The following PITRM1 variants were observed in gnomAD, a reference collection of about 807,000 sequenced individuals.
PITRM1 encodes pitrilysin metallopeptidase 1.
A neutral mutation model predicts 129.9 loss-of-function variants in PITRM1; 100 were observed. That is an observed-to-expected ratio of 0.77 (90% confidence interval 0.65 to 0.91). The LOEUF is 0.91. PITRM1 is among the 40% of genes least tolerant of loss of function. PITRM1 has a pLI of 0.00. For missense variants in PITRM1, 1,471 were observed against 1,318.3 expected (o/e 1.12, Z -1.79); for synonymous variants, 591 against 508.8 (o/e 1.16, Z -2.17).
intron 20 of PITRM1, chr10:3,145,998 G>C (rs544333548): frequency 2.0e-5 from 8 of 399,236 alleles, no homozygotes; most frequent in African/African-American, 8.2e-5. Flanking sequence ...AGAAAATACA[G>C]AGACTATTAA....
At chr10:3,168,971 G>C (rs1843120272) in intron 2 of PITRM1, among the ~76,000 whole-genome samples, 1 of 149,118 alleles carries the variant, frequency 6.7e-6, no homozygotes, top group Admixed American at 6.7e-5. Context: ...CACACAATTA[G>C]CCAGGCGTGG....
chr10:3,166,815 T>C, intron 3 of PITRM1, 121 bp downstream of exon 3: 1 of 595,320 alleles, frequency 1.7e-6, no homozygotes, highest in Non-Finnish European at 3.0e-6. Context: ...TGTTAGTGTA[T>C]TTTATGCGTG....
intron 20 of PITRM1, chr10:3,146,395 G>A (rs984769664): frequency 6.6e-6 from 1 of 152,400 alleles, no homozygotes; most frequent in African/African-American, 2.4e-5. Context: ...ACCTGCAAAG[G>A]AAGGTTTTAT....
rs977323786 is a variant in PITRM1 at position 3,155,781 on chromosome 10, T to C, written c.1483-52A>G. The C allele has an allele frequency of 2.6e-5, 41 of 1,599,200 alleles. No individual in the cohort carries two copies. In the Admixed American group the frequency reaches 6.8e-4, roughly 27 times the overall value. On this transcript the variant is annotated intron_variant, in intron 13 of 26. Transcript: ENST00000224949. ...GCCAAGTGAAAACAAGATCTTACTA[T>C]ATCCTAACACTCAACAAGCTTCTGC...
chr10:3,145,792 C>A, intron 20 of PITRM1, 76 bp from the exon 21 acceptor site: 1 of 1,139,500 alleles, frequency 8.8e-7, no homozygotes, highest in Non-Finnish European at 1.3e-6. Flanking sequence ...TTTTGTATAA[C>A]TCAATAATGT....
chr10:3,159,785 C>T (rs1842288059), intron 9 of PITRM1, 63 bp downstream of exon 9: 2 of 976,690 alleles, frequency 2.0e-6, no homozygotes, highest in Admixed American at 2.0e-5. Flanking sequence ...ACTTCCGAAC[C>T]TTCTAATAGG....
At chr10:3,168,915 TACACACACAC>T (rs61366911) in intron 2 of PITRM1, among the ~76,000 whole-genome samples, 2,461 of 142,874 alleles carry the variant, frequency 0.017, 70 homozygotes, top group East Asian at 0.13. Context: ...AGTTTCCATC[TACACACACAC>T]ACACACACAC....
chr10:3,165,149 TA>T, intron 6 of PITRM1, 88 bp downstream of exon 6: 2 of 949,536 alleles, frequency 2.1e-6, no homozygotes, highest in Non-Finnish European at 1.6e-6. Context: ...ATGAGAATAT[TA>T]AATAAAATCT....
At chr10:3,142,602 G>C (rs1840363866) in intron 23 of PITRM1, among the ~76,000 whole-genome samples, 1 of 152,234 alleles carries the variant, frequency 6.6e-6, no homozygotes, top group African/African-American at 2.4e-5. Context: ...ACAGCCAAGG[G>C]GCAGCCAGAG....
intron 4 of PITRM1, among the ~76,000 whole-genome samples, chr10:3,166,009 G>C (rs1288679560): frequency 6.6e-6 from 1 of 152,222 alleles, no homozygotes; most frequent in African/African-American, 2.4e-5. Context: ...TCTGGGAAAA[G>C]TTCACATATG....
At position 3,147,970 on chromosome 10, in the gene PITRM1, C is replaced by G. The variant is rs1841078779; in HGVS notation, c.2069+17G>C. 1.3e-6 allele frequency: 2 copies of G among 1,587,518 alleles called. No homozygotes were observed. The highest frequency in any genetic ancestry group is 1.7e-6 in the Non-Finnish European group (2 of 1,155,792). The stretch of plus-strand genomic sequence containing the variant: ...TAGTACACCCCAAGAATGGACAACT[C>G]TTGCAAATAAAGTTACTTGTTAAAT... On this transcript the variant is annotated intron_variant, in intron 18 of 26. Transcript: ENST00000224949.
chr10:3,148,340 A>C, intron 16 of PITRM1, 49 bp from the exon 17 acceptor site: 1 of 1,534,862 alleles, frequency 6.5e-7, no homozygotes, highest in Non-Finnish European at 8.7e-7. Context: ...GTCTTTACTG[A>C]ATCATTTTTA....
intron 13 of PITRM1, among the ~76,000 whole-genome samples, chr10:3,156,671 T>C (rs889592446): frequency 5.9e-4 from 90 of 151,652 alleles, no homozygotes; most frequent in African/African-American, 2.1e-3. Flanking sequence ...GAACAATATA[T>C]GCAGATGTTT....
rs999154636 is a variant in PITRM1 at position 3,139,178 on chromosome 10, A to C, written c.2772-129T>G. On this transcript the variant is annotated intron_variant, in intron 24 of 26. Transcript: ENST00000224949. The stretch of plus-strand genomic sequence containing the variant: ...CTCTATTTTATATCTGATTTAGTCC[A>C]AACAGCCCACTGACAAATCGCTCAA... 1.7e-5 allele frequency: 13 copies of C among 787,224 alleles called. No homozygotes were observed. The African/African-American group carries it at 1.9e-4, about 11-fold the overall frequency. The allele number at this position is 787,224 out of a possible 1,614,324, so 48.8% of individuals were successfully genotyped here.
At chr10:3,170,346 C>T in intron 1 of PITRM1, 140 bp from the exon 2 acceptor site, 1 of 606,556 alleles carries the variant, frequency 1.6e-6, no homozygotes, top group Non-Finnish European at 2.8e-6. Context: ...AAGTCTTGCA[C>T]ATTCCAGAAA....
intron 14 of PITRM1, among the ~76,000 whole-genome samples, chr10:3,152,267 C>A (rs1841587033): frequency 6.6e-6 from 1 of 152,174 alleles, no homozygotes; most frequent in Non-Finnish European, 1.5e-5. Context: ...GCCCTGATGG[C>A]CATCAGTGAA....
At position 3,166,391 on chromosome 10, in the gene PITRM1, A is replaced by AGAGGAATGGCATGCTAGGGAAGGC. The variant is rs572476455; in HGVS notation, c.267-12_267-11insGCCTTCCCTAGCATGCCATTCCTC. 1.9e-5 allele frequency: 26 copies of AGAGGAATGGCATGCTAGGGAAGGC among 1,395,446 alleles called. No homozygotes were observed. The highest frequency in any genetic ancestry group is 4.5e-5 in the African/African-American group (3 of 67,208). The allele number at this position is 1,395,446 out of a possible 1,614,324, so 86.4% of individuals were successfully genotyped here. A position where few individuals can be genotyped will look rare whatever the true frequency, so the allele number is the denominator to read the frequency against. Reference sequence around the variant, plus strand: ...GTACGGAACTGCACGCTAGGGAAGGAGAATGACCAGAACGCAAAAGGTTCA... The same window carrying AGAGGAATGGCATGCTAGGGAAGGC: ...GTACGGAACTGCACGCTAGGGAAGGAGAGGAATGGCATGCTAGGGAAGGCGAATGACCAGAACGCAAAAGGTTCA... On this transcript the variant is annotated splice_polypyrimidine_tract_variant and intron_variant, in intron 3 of 26. Coordinates refer to ENST00000224949, the MANE Select transcript of PITRM1 (RefSeq NM_014889.4).
Position 3,160,217 on chromosome 10 carries a change from G to T in PITRM1, c.905C>A (p.Pro302His), listed in dbSNP as rs373452191. Residue 302 changes from proline (P) to histidine (H), a missense_variant, in exon 8 of 27, where the codon CCC becomes CAC. Coordinates refer to ENST00000224949, the MANE Select transcript of PITRM1 (RefSeq NM_014889.4). ...TGGGGCACTCACAGGCTTGTCCCAG[G>T]GTGTCTGAGCTGGCACCACGGTGCT... is the stretch of plus-strand genomic sequence containing the variant. ...EPSTVVPAQTPWDKPREFQIT... is the reference protein window; with the variant it reads ...EPSTVVPAQTHWDKPREFQIT... The T allele has an allele frequency of 1.2e-6, 2 of 1,613,882 alleles. No individual in the cohort carries two copies. Among genetic ancestry groups the T allele is most frequent in the East Asian group, 4.5e-5 (2 of 44,884 alleles).
chr10:3,172,666 C>A, intron 1 of PITRM1, 51 bp downstream of exon 1: 1 of 1,505,630 alleles, frequency 6.6e-7, no homozygotes, highest in Non-Finnish European at 8.9e-7. Context: ...GCCCTGGACC[C>A]TCCCCTCCCG....
Sources: gnomAD v4.1 joint callset for allele counts (sites outside exome capture counted in the v4.1 genomes callset) on GRCh38, gnomAD v4.1.1 for gene constraint, MANE v1.5 for transcripts, NCBI Gene and HGNC (gene_info 2026-07-23, HGNC 2026-07-21) for gene names.